Variants in ATR observed in about 807,000 individuals in gnomAD.
The protein encoded by ATR is serine/threonine-protein kinase ATR.
ATR carries 142 observed loss-of-function variants against 305.3 expected under a neutral mutation model. That is an observed-to-expected ratio of 0.47 (90% confidence interval 0.41 to 0.53). The LOEUF is 0.53. Ranked by LOEUF, ATR falls within the 20% of genes least tolerant of loss-of-function variation. The probability of loss-of-function intolerance (pLI) is 0.00; values close to 1 mark genes in which losing one functional copy is unlikely to be tolerated. For synonymous variants in ATR, 1,050 were observed against 1,068.1 expected (o/e 0.98, Z 0.33); for missense variants, 2,135 against 3,133.1 (o/e 0.68, Z 7.60).
At position 142,566,275 on chromosome 3, in the gene ATR, A is replaced by T. The variant is rs1033303094; in HGVS notation, c.152-14T>A. 3 of 1,612,466 alleles carry T rather than the reference A, an allele frequency of 1.9e-6. No individual in the cohort carries two copies. Among genetic ancestry groups the T allele is most frequent in the African/African-American group, 2.7e-5 (2 of 75,016 alleles). On this transcript the variant is annotated splice_polypyrimidine_tract_variant and intron_variant, in intron 2 of 46. Coordinates refer to ENST00000350721, the MANE Select transcript of ATR (RefSeq NM_001184.4). ...GTTCTACAGCAACTAAAACAATAAG[A>T]TTCATTTTAAAGAGTCATGACAAAT...
chr3:142,513,260 A>G (rs1489430252), intron 26 of ATR, among the ~76,000 whole-genome samples: 1 of 152,228 alleles, frequency 6.6e-6, no homozygotes, highest in Non-Finnish European at 1.5e-5. Flanking sequence ...TTAAAAAGAA[A>G]ATGACTAAGT....
intron 36 of ATR, among the ~76,000 whole-genome samples, chr3:142,472,725 C>A (rs1337476557): frequency 6.6e-6 from 1 of 152,090 alleles, no homozygotes; most frequent in African/African-American, 2.4e-5. Context: ...GCAACCTCCA[C>A]CTCCTAGGCT....
chr3:142,471,610 CATTT>C (rs1041832021), intron 36 of ATR, among the ~76,000 whole-genome samples: 6 of 151,990 alleles, frequency 3.9e-5, no homozygotes, highest in African/African-American at 4.8e-5. Context: ...TTAAACATTT[CATTT>C]ATTTATTTAA....
intron 23 of ATR, among the ~76,000 whole-genome samples, chr3:142,521,483 T>C (rs1203093732): frequency 6.6e-6 from 1 of 152,238 alleles, no homozygotes; most frequent in Non-Finnish European, 1.5e-5. Context: ...CAGATAGTAA[T>C]TCCTCTGATG....
chr3:142,519,565 G>A, intron 24 of ATR, 104 bp downstream of exon 24: 1 of 883,126 alleles, frequency 1.1e-6, no homozygotes, highest in Non-Finnish European at 1.8e-6. Flanking sequence ...CTCCCAAAGT[G>A]CTGGGATTAC....
chr3:142,509,859 T>C (rs963139701), intron 27 of ATR, among the ~76,000 whole-genome samples: 6 of 152,296 alleles, frequency 3.9e-5, no homozygotes, highest in Non-Finnish European at 8.8e-5. Flanking sequence ...CTCACGTCTG[T>C]AATCCCAGCA....
At chr3:142,512,704 A>T (rs2032640096) in intron 26 of ATR, among the ~76,000 whole-genome samples, 1 of 152,016 alleles carries the variant, frequency 6.6e-6, no homozygotes, top group African/African-American at 2.4e-5. Flanking sequence ...AATACAAAAA[A>T]ATTAGCCAGG....
At chr3:142,529,827 G>T (rs2033567804) in intron 21 of ATR, among the ~76,000 whole-genome samples, 1 of 150,966 alleles carries the variant, frequency 6.6e-6, no homozygotes, top group Non-Finnish European at 1.5e-5. Context: ...GTAATTTTTT[G>T]AAAAAAAATT....
intron 46 of ATR, chr3:142,451,660 G>A (rs2070793168): frequency 8.2e-7 from 1 of 1,212,144 alleles, no homozygotes; most frequent in Non-Finnish European, 1.0e-6. Flanking sequence ...GCTCACAGCA[G>A]CCTCCAACTC....
chr3:142,505,265 G>A lies in ATR; in HGVS notation c.5070C>T (p.Ala1690=), dbSNP rs142881746. The change falls in exon 29 of 47, where the codon GCC becomes GCT. Residue 1690 remains alanine, a synonymous_variant. Transcript: ENST00000350721. ...YAAMHEPDGV[A]GVSAIRKAEP... ...CTGCCTTTCTAATTGCACTGACTCC[G>A]GCCACTCCATCAGGTTCATGCATAG... 262 of 1,613,706 alleles carry A rather than the reference G, an allele frequency of 1.6e-4. No individual in the cohort carries two copies. In the African/African-American group the frequency reaches 2.5e-3, roughly 16 times the overall value.
In ATR at chr3:142,496,281, TATATATATATATATATA is replaced by T. The variant is rs2031599671; in HGVS notation, c.5898+63_5898+79del. ...TAAGGAAGTACATAATTCCCGACTA[TATATATATATATATATA>T]TATATATATATATATATATATATAT... On this transcript the variant is annotated intron_variant, in intron 34 of 46. Transcript: ENST00000350721. The T allele has an allele frequency of 3.2e-3, 232 of 72,508 alleles. 39 individuals carry two copies. The highest frequency in any genetic ancestry group is 0.011 in the Middle Eastern group (2 of 178). The allele number at this position is 72,508 out of a possible 1,614,324, so 4.5% of individuals were successfully genotyped here. A position where few individuals can be genotyped will look rare whatever the true frequency, so the allele number is the denominator to read the frequency against.
At chr3:142,492,331 T>G (rs2031334563) in intron 35 of ATR, among the ~76,000 whole-genome samples, 3 of 152,224 alleles carry the variant, frequency 2.0e-5, no homozygotes, top group Admixed American at 6.5e-5. Context: ...CTCTGGAAAT[T>G]GTTCTTATAG....
intron 9 of ATR, 76 bp from the exon 10 acceptor site, chr3:142,556,215 C>T: frequency 6.4e-7 from 1 of 1,554,636 alleles, no homozygotes; most frequent in Admixed American, 1.8e-5. Flanking sequence ...TAATTTGGGA[C>T]AAAAGTACTG....
rs193124641 is a variant in ATR, at chr3:142,498,769, T to C, written c.5386A>G (p.Lys1796Glu). The C allele has an allele frequency of 6.2e-7, 1 of 1,614,060 alleles. No homozygotes were observed. The highest frequency in any genetic ancestry group is 2.2e-5 in the East Asian group (1 of 44,862). The change falls in exon 32 of 47, where the codon AAA becomes GAA. Residue 1796 changes from lysine (K) to glutamate (E), a missense_variant. Around this residue, in one of 9 missense-constraint regions of ATR, gnomAD observed 117 missense variants for 198.3 expected, o/e 0.59. Transcript: ENST00000350721. ...AGTCTGACACTCCATGTTGTAGATT[T>C]TCCATCTGAAAAACAAATGAAGAGT... Reference protein sequence around the residue: ...LVENYLAADGKSTTWSVRLGQ... With the variant: ...LVENYLAADGESTTWSVRLGQ...
At chr3:142,554,261 C>T (rs1376271023) in intron 10 of ATR, among the ~76,000 whole-genome samples, 2 of 151,950 alleles carry the variant, frequency 1.3e-5, no homozygotes, top group Non-Finnish European at 2.9e-5. Flanking sequence ...TGCTCTGTCA[C>T]CCAGGCTGGA....
At chr3:142,553,475 T>G in intron 12 of ATR, 77 bp from the exon 13 acceptor site, 1 of 1,488,676 alleles carries the variant, frequency 6.7e-7, no homozygotes, top group Non-Finnish European at 9.3e-7. Context: ...CACATATGTA[T>G]CTCCAATATC....
chr3:142,561,294 C>T lies in ATR; in HGVS notation c.1298G>A (p.Arg433His), dbSNP rs369434236. ...AGAAGGGTTTAGAGACGAGCTGAGA[C>T]GACGCCTTTTGGGTGATATTCCATC... is the stretch of plus-strand genomic sequence containing the variant. ...NSDGISPKRR[R>H]LSSSLNPSKR... Residue 433 changes from arginine to histidine, a missense_variant, in exon 5 of 47, where the codon CGT becomes CAT. Coordinates refer to ENST00000350721, the MANE Select transcript of ATR (RefSeq NM_001184.4). 8.4e-5 allele frequency: 136 copies of T among 1,613,944 alleles called. No homozygotes were observed. Among genetic ancestry groups the T allele is most frequent in the Non-Finnish European group, 1.0e-4 (121 of 1,179,988 alleles).
intron 30 of ATR, 78 bp from the exon 31 acceptor site, chr3:142,499,796 C>T: frequency 1.7e-6 from 2 of 1,142,980 alleles, no homozygotes; most frequent in Middle Eastern, 2.0e-4. Flanking sequence ...GGTTTACATA[C>T]TCTATTTATT....
At chr3:142,466,065 T>C (rs1006128418) in intron 40 of ATR, among the ~76,000 whole-genome samples, 1 of 151,588 alleles carries the variant, frequency 6.6e-6, no homozygotes, top group Non-Finnish European at 1.5e-5. Flanking sequence ...AAATAAAGAT[T>C]ATAGTCATAC....
Sources: allele counts gnomAD v4.1 joint callset (sites outside exome capture counted in the v4.1 genomes callset), GRCh38; gene constraint gnomAD v4.1.1; regional missense constraint gnomAD v4.1.1; transcripts MANE v1.5; gene names NCBI Gene and HGNC (gene_info 2026-07-23, HGNC 2026-07-21).